The following MON1A variants were observed in gnomAD, a reference collection of about 807,000 sequenced individuals.
MON1A encodes vacuolar fusion protein MON1 homolog A.
MON1A carries 29 observed loss-of-function variants against 44.6 expected under a neutral mutation model. The observed-to-expected ratio is 0.65, with a 90% CI of 0.48 to 0.89. MON1A has a LOEUF of 0.89. MON1A is among the 40% of genes least tolerant of loss of function. MON1A has a pLI of 0.00. For missense variants in MON1A, 615 were observed against 759.6 expected, an observed-to-expected ratio of 0.81 and a Z score of 2.24; for synonymous variants, 275 against 316.4, an observed-to-expected ratio of 0.87 and a Z score of 1.39.
Position 49,909,934 on chromosome 3 carries a change from G to T in MON1A, c.1379+185C>A. 1 of 643,350 alleles carries T rather than the reference G, an allele frequency of 1.6e-6. No individual in the cohort carries two copies. The highest frequency in any genetic ancestry group is 2.7e-6 in the Non-Finnish European group (1 of 372,296). 39.9% of individuals were successfully genotyped at this position (643,350 alleles called of 1,614,324 possible). A position where few individuals can be genotyped will look rare whatever the true frequency, so the allele number is the denominator to read the frequency against. On this transcript the variant is annotated intron_variant, in intron 4 of 5. Coordinates refer to ENST00000296473, the MANE Select transcript of MON1A (RefSeq NM_032355.4). This position sits in a 1 kb window ranked among gnomAD's most constrained non-coding sequence, Gnocchi z 4.0. ...CCTTCTGGTTAATAAAGTAGAGAGG[G>T]TATGCTCATGGGGTGATGGAGAGTC...
At chr3:49,927,858 G>A (rs1575482076) in intron 1 of MON1A, among the ~76,000 whole-genome samples, 1 of 151,166 alleles carries the variant, frequency 6.6e-6, no homozygotes, top group East Asian at 1.9e-4. Flanking sequence ...CTGATATCGC[G>A]CCATTGCACT....
At chr3:49,912,314 A>C in intron 2 of MON1A, 1 of 302,090 alleles carries the variant, frequency 3.3e-6, no homozygotes, top group East Asian at 6.1e-5. Flanking sequence ...ACTGGCCTAC[A>C]TCCATCTGCT....
At position 49,909,146 on chromosome 3, in the gene MON1A, G is replaced by T. The variant is rs192821095; in HGVS notation, c.1536C>A (p.Gly512=). 2 of 1,609,830 alleles carry T rather than the reference G, an allele frequency of 1.2e-6. No homozygotes were observed. Among genetic ancestry groups the T allele is most frequent in the African/African-American group, 1.3e-5 (1 of 74,910 alleles). ...TGTAACACATGTAGAGCTCAAAGGC[G>T]CCTGTCACCTGGAGAAGGGGCAAAG... ...PNENLLAWVT[G]AFELYMCYSP... is the part of the protein sequence containing the mutation. Residue 512 remains glycine, a synonymous_variant, in exon 6 of 6, where the codon GGC becomes GGA. Transcript: ENST00000296473. This position sits in a 1 kb window ranked among gnomAD's most constrained non-coding sequence, Gnocchi z 4.0.
rs753085295 is a variant in MON1A, at chr3:49,909,202, G to A, written c.1528-48C>T. The A allele has an allele frequency of 7.4e-6, 12 of 1,612,862 alleles. No homozygotes were observed. In the Middle Eastern group the frequency reaches 6.6e-4, roughly 89 times the overall value. On this transcript the variant is annotated intron_variant, in intron 5 of 5. Coordinates refer to ENST00000296473, the MANE Select transcript of MON1A (RefSeq NM_032355.4). This position sits in a 1 kb window ranked among gnomAD's most constrained non-coding sequence, Gnocchi z 4.0. ...TCATCTAGGTTAGAGGCCCCTCATG[G>A]CCCATACCTAGGACCTCCATAAAGC...
chr3:49,909,310 G>T lies in MON1A; in HGVS notation c.1470C>A (p.Ala490=). The T allele has an allele frequency of 6.2e-7, 1 of 1,614,070 alleles. No individual in the cohort carries two copies. ...YQYLHSRAHN[A]SRPLKTIYYT... Reference sequence around the variant, plus strand: ...AGTAAATGGTCTTGAGTGGGCGAGAGGCATTGTGGGCACGACTGTGCAAGT... The same window carrying T: ...AGTAAATGGTCTTGAGTGGGCGAGATGCATTGTGGGCACGACTGTGCAAGT... The change falls in exon 5 of 6, where the codon GCC becomes GCA. Residue 490 remains alanine, a synonymous_variant. Transcript: ENST00000296473. The surrounding 1 kb of genome is among the most constrained non-coding windows in gnomAD (Gnocchi z 4.0).
At position 49,910,548 on chromosome 3, in the gene MON1A, C is replaced by A. The variant is rs1206852399; in HGVS notation, c.950G>T (p.Ser317Ile). ...GGCCAGCAGGATGGAGAAGACCAGG[C>A]TGCGCGCACGCGCCTGCTGCAGGCT... ...SASLQQARAR[S>I]LVFSILLARN... Residue 317 changes from serine (S) to isoleucine (I), a missense_variant, in exon 4 of 6, where the codon AGC becomes ATC. Coordinates refer to ENST00000296473, the MANE Select transcript of MON1A (RefSeq NM_032355.4). This position sits in a 1 kb window ranked among gnomAD's most constrained non-coding sequence, Gnocchi z 8.0. The A allele has an allele frequency of 6.2e-7, 1 of 1,612,978 alleles. No homozygotes were observed.
At chr3:49,913,384 C>G in intron 1 of MON1A, 25 bp from the exon 2 acceptor site, 1 of 1,593,838 alleles carries the variant, frequency 6.3e-7, no homozygotes, top group Non-Finnish European at 8.6e-7. Context: ...AATGCAACAT[C>G]GATGGCTTTT....
intron 1 of MON1A, among the ~76,000 whole-genome samples, chr3:49,915,572 G>A (rs1341259180): frequency 1.3e-5 from 2 of 152,116 alleles, no homozygotes; most frequent in Non-Finnish European, 1.5e-5. Flanking sequence ...AATTAACTAA[G>A]TTGACCAATA....
rs1243900474 is a variant in MON1A, at chr3:49,911,486, G to T, written c.613+40C>A. 1 of 1,568,896 alleles carries T rather than the reference G, an allele frequency of 6.4e-7. No homozygotes were observed. Among genetic ancestry groups the T allele is most frequent in the East Asian group, 2.2e-5 (1 of 44,614 alleles). ...CAAAACCTGCTATGAATGAACCTTGGCCAGGGGAGCCCGCCCCATTCCCTC... is the reference window on the plus strand; with the variant it reads ...CAAAACCTGCTATGAATGAACCTTGTCCAGGGGAGCCCGCCCCATTCCCTC... On this transcript the variant is annotated intron_variant, in intron 3 of 5. Transcript: ENST00000296473. The surrounding 1 kb of genome is among the most constrained non-coding windows in gnomAD (Gnocchi z 5.7).
At chr3:49,929,321 T>C in intron 1 of MON1A, 1 of 514,304 alleles carries the variant, frequency 1.9e-6, no homozygotes, top group Non-Finnish European at 3.4e-6. Context: ...GCCGAATATG[T>C]GTACGTTTGT....
At position 49,909,613 on chromosome 3, in the gene MON1A, C is replaced by G; in HGVS notation, c.1380-213G>C. On this transcript the variant is annotated intron_variant, in intron 4 of 5. Transcript: ENST00000296473. The surrounding 1 kb of genome is among the most constrained non-coding windows in gnomAD (Gnocchi z 4.0). ...GACTAGAGCTATGTCCCCTCTTACC[C>G]CCTAAGCTCATAGTGTCTTTGGTGA... 2 of 609,904 alleles carry G rather than the reference C, an allele frequency of 3.3e-6. No individual in the cohort carries two copies. The highest frequency in any genetic ancestry group is 5.6e-6 in the Non-Finnish European group (2 of 355,948). 37.8% of individuals were successfully genotyped at this position (609,904 alleles called of 1,614,324 possible).
Position 49,929,593 on chromosome 3 carries a change from C to G in MON1A, c.-14+16G>C. 1 of 1,551,468 alleles carries G rather than the reference C, an allele frequency of 6.4e-7. No individual in the cohort carries two copies. Among genetic ancestry groups the G allele is most frequent in the Non-Finnish European group, 8.7e-7 (1 of 1,146,910 alleles). The stretch of plus-strand genomic sequence containing the variant: ...TCTAGGTGCCTCCAGGCCACGTGGG[C>G]TGGCAGTCAACTCACCTGTTTCTCA... On this transcript the variant is annotated intron_variant, in intron 1 of 5. Transcript: ENST00000296473.
chr3:49,922,665 CAGGAAAGA>C (rs1449790721), intron 1 of MON1A, among the ~76,000 whole-genome samples: 4 of 149,640 alleles, frequency 2.7e-5, no homozygotes, highest in African/African-American at 9.8e-5. Context: ...GGAAAGAAGC[CAGGAAAGA>C]AGGAAAGAAC....
In MON1A at chr3:49,911,790, A is replaced by AGCTTCCTGGCAGCATC; in HGVS notation, c.333_348dup (p.Ser117AspfsTer7). 6.2e-7 allele frequency: 1 copy of AGCTTCCTGGCAGCATC among 1,613,642 alleles called. No individual in the cohort carries two copies. The highest frequency in any genetic ancestry group is 8.5e-7 in the Non-Finnish European group (1 of 1,179,864). On this transcript the variant is annotated frameshift_variant, in exon 3 of 6. Transcript: ENST00000296473. LOFTEE classifies it high-confidence loss of function. The surrounding 1 kb of genome is among the most constrained non-coding windows in gnomAD (Gnocchi z 5.7). ...CCTGGGGGTTCCAGCCAATCCTCAG[A>AGCTTCCTGGCAGCATC]GCTTCCTGGCAGCATCTCCTCCTGC...
intron 1 of MON1A, 101 bp downstream of exon 1, chr3:49,929,508 T>C (rs2083076636): frequency 1.5e-6 from 2 of 1,346,720 alleles, no homozygotes; most frequent in South Asian, 2.5e-5. Flanking sequence ...AACGATAGCG[T>C]TGATGGCTGG....
chr3:49,910,156 A>G lies in MON1A; in HGVS notation c.1342T>C (p.Phe448Leu), dbSNP rs1488524781. ...CCCGAGCTCTTTGACTTATAGAGGA[A>G]GTGACGCAGGTCAGGGATGCCCACT... ...AQVGIPDLRH[F>L]LYKSKSSGLF... The change falls in exon 4 of 6, where the codon TTC (phenylalanine) becomes CTC (leucine). Residue 448 changes from phenylalanine to leucine, a missense_variant. Transcript: ENST00000296473. The surrounding 1 kb of genome is among the most constrained non-coding windows in gnomAD (Gnocchi z 8.0). The G allele has an allele frequency of 6.2e-7, 1 of 1,607,560 alleles. No homozygotes were observed. The highest frequency in any genetic ancestry group is 8.5e-7 in the Non-Finnish European group (1 of 1,174,948).
chr3:49,916,057 G>A (rs2082940237), intron 1 of MON1A: 1 of 152,244 alleles, frequency 6.6e-6, no homozygotes, highest in South Asian at 2.1e-4. Flanking sequence ...AACACTGCAG[G>A]CAGGCCAGGG....
chr3:49,919,221 T>C (rs564213792), intron 1 of MON1A, among the ~76,000 whole-genome samples: 1 of 152,260 alleles, frequency 6.6e-6, no homozygotes, highest in South Asian at 2.1e-4. Flanking sequence ...GTGTTCGCTT[T>C]GTAATAATTC....
Position 49,908,992 on chromosome 3 carries a change from G to T in MON1A, c.*22C>A, listed in dbSNP as rs2082841966. On this transcript the variant is annotated 3_prime_UTR_variant, in exon 6 of 6. Coordinates refer to ENST00000296473, the MANE Select transcript of MON1A (RefSeq NM_032355.4). ...TCCCACACCTAGTGTGTCCAGGAAG[G>T]CTGAGCCCGCACACATTCCCATCAA... The T allele has an allele frequency of 1.3e-6, 2 of 1,598,888 alleles. No homozygotes were observed. Among genetic ancestry groups the T allele is most frequent in the Non-Finnish European group, 1.7e-6 (2 of 1,170,894 alleles).
Sources: allele counts gnomAD v4.1 joint callset (sites outside exome capture counted in the v4.1 genomes callset), GRCh38; gene constraint gnomAD v4.1.1; non-coding constraint Gnocchi (gnomAD v3.1); transcripts MANE v1.5; gene names NCBI Gene and HGNC (gene_info 2026-07-23, HGNC 2026-07-21).